Variants in RRBP1 observed in about 807,000 individuals in gnomAD.
RRBP1 encodes the protein ribosome-binding protein 1.
In RRBP1, 94 loss-of-function variants were observed where a neutral mutation model predicts 165.2. The ratio of observed to expected loss-of-function variants is 0.57; its 90% confidence interval spans 0.48 to 0.68. RRBP1 has a LOEUF of 0.68. RRBP1 is among the 30% of genes least tolerant of loss of function. RRBP1 has a pLI of 0.00. For synonymous variants in RRBP1, 680 were observed against 714.5 expected (o/e 0.95, Z 0.77); for missense variants, 1,676 against 1,763.0 (o/e 0.95, Z 0.88).
In RRBP1 at chr20:17,658,576, T is replaced by C. The variant is rs769854350; in HGVS notation, c.1912+20A>G. On this transcript the variant is annotated intron_variant, in intron 3 of 24. Transcript: ENST00000377813. ...AAGACAGCCTTTCCTTCTAAGTTCA[T>C]AAAGAAATCAGTTACTTACCAGGCT... 5.1e-6 allele frequency: 8 copies of C among 1,562,106 alleles called. No homozygotes were observed. The African/African-American group carries it at 8.3e-5, about 16-fold the overall frequency.
At position 17,659,914 on chromosome 20, in the gene RRBP1, C is replaced by T; in HGVS notation, c.594G>A (p.Gln198=). 1.3e-6 allele frequency: 2 copies of T among 1,565,412 alleles called. No individual in the cohort carries two copies. The highest frequency in any genetic ancestry group is 1.7e-6 in the Non-Finnish European group (2 of 1,153,644). ...TCTGAGTCCCCTCCGCCTTTTTGCCCTGAGTAGTGCCAGTGGCTGGTGTGT... is the reference window on the plus strand; with the variant it reads ...TCTGAGTCCCCTCCGCCTTTTTGCCTTGAGTAGTGCCAGTGGCTGGTGTGT... ...KGNTPATGTT[Q]GKKAEGTQNQ... is the part of the protein sequence containing the mutation. The change falls in exon 3 of 25, where the codon CAG becomes CAA. Residue 198 remains glutamine (Q), a synonymous_variant. Transcript: ENST00000377813.
chr20:17,677,717 T>C (rs1251732705), intron 2 of RRBP1, among the ~76,000 whole-genome samples: 1 of 152,136 alleles, frequency 6.6e-6, no homozygotes, highest in African/African-American at 2.4e-5. Context: ...CGCATGCCTG[T>C]AATCCCAGCT....
rs754241222 is a variant in RRBP1, at chr20:17,615,518, C to T, written c.3963G>A (p.Ser1321=). 11 of 1,606,774 alleles carry T rather than the reference C, an allele frequency of 6.8e-6. No individual in the cohort carries two copies. The highest frequency in any genetic ancestry group is 1.1e-5 in the South Asian group (1 of 89,746). ...CCAATTCTTCTTGTAACCGACATGC[C>T]GAGGTCTGAGCCTTGCCGGAGAGGG... The part of the protein sequence containing the change: ...LTAEFEEAQT[S]ACRLQEELEK... The change falls in exon 23 of 25, where the codon TCG becomes TCA. Residue 1321 remains serine (S), a synonymous_variant. Coordinates refer to ENST00000377813, the MANE Select transcript of RRBP1 (RefSeq NM_001365613.2).
intron 3 of RRBP1, among the ~76,000 whole-genome samples, chr20:17,656,715 C>T (rs960942608): frequency 6.6e-6 from 1 of 152,176 alleles, no homozygotes; most frequent in African/African-American, 2.4e-5. Context: ...CTATTTTTCC[C>T]TCAGATGGGA....
At chr20:17,620,576 G>C in intron 17 of RRBP1, 139 bp downstream of exon 17, 1 of 801,398 alleles carries the variant, frequency 1.2e-6, no homozygotes. Flanking sequence ...CTGTCATCCC[G>C]CAACTGTGCT....
In RRBP1 at chr20:17,633,507, G is replaced by A; in HGVS notation, c.2563C>T (p.Leu855=). 2 of 1,614,020 alleles carry A rather than the reference G, an allele frequency of 1.2e-6. No individual in the cohort carries two copies. Among genetic ancestry groups the A allele is most frequent in the Non-Finnish European group, 1.7e-6 (2 of 1,180,028 alleles). Reference sequence around the variant, plus strand: ...TCGAAGGCAGCTGCCTTGGCTTCCAGAGCTTTCCGCTGCTGCTCATCTTGC... The same window carrying A: ...TCGAAGGCAGCTGCCTTGGCTTCCAAAGCTTTCCGCTGCTGCTCATCTTGC... ...VRQDEQQRKA[L]EAKAAAFEKQ... The change falls in exon 8 of 25, where the codon CTG becomes TTG. Residue 855 remains leucine (L), a synonymous_variant. Coordinates refer to ENST00000377813, the MANE Select transcript of RRBP1 (RefSeq NM_001365613.2).
rs2036401186 is a variant in RRBP1 at position 17,643,263 on chromosome 20, G to A, written c.1913-136C>T. ...TGACTGCTTGGGGTCAGCAGGCTGA[G>A]CATGGCGAGTCTGCTCCAGTGTCTC... On this transcript the variant is annotated intron_variant, in intron 3 of 24. Coordinates refer to ENST00000377813, the MANE Select transcript of RRBP1 (RefSeq NM_001365613.2). The surrounding 1 kb of genome is among the most constrained non-coding windows in gnomAD (Gnocchi z 4.3). The A allele has an allele frequency of 2.4e-6, 2 of 848,686 alleles. No homozygotes were observed. The highest frequency in any genetic ancestry group is 1.8e-6 in the Non-Finnish European group (1 of 553,324). The allele number at this position is 848,686 out of a possible 1,614,324, so 52.6% of individuals were successfully genotyped here.
At chr20:17,663,358 T>A (rs185794558) in intron 2 of RRBP1, among the ~76,000 whole-genome samples, 3 of 152,362 alleles carry the variant, frequency 2.0e-5, no homozygotes, top group African/African-American at 7.2e-5. Flanking sequence ...ATATTCTCTG[T>A]TGGGACCCAG....
At chr20:17,614,610 TGG>T in intron 24 of RRBP1, 125 bp downstream of exon 24, 1 of 1,234,986 alleles carries the variant, frequency 8.1e-7, no homozygotes, top group Non-Finnish European at 1.1e-6. Flanking sequence ...CTGCCTCCCC[TGG>T]GGCTCCCAGC....
At chr20:17,628,842 T>C (rs1419296764) in intron 9 of RRBP1, among the ~76,000 whole-genome samples, 1 of 152,224 alleles carries the variant, frequency 6.6e-6, no homozygotes, top group Non-Finnish European at 1.5e-5. Context: ...CCTCCATTTT[T>C]CCAAGTGATA....
At chr20:17,623,350 T>C (rs1477130377) in intron 13 of RRBP1, 1 of 152,294 alleles carries the variant, frequency 6.6e-6, no homozygotes, top group Non-Finnish European at 1.5e-5. Context: ...GGGGCAGATA[T>C]TCCTGTGAGA....
In RRBP1 at chr20:17,625,580, C is replaced by G; in HGVS notation, c.2986G>C (p.Val996Leu). The G allele has an allele frequency of 6.2e-7, 1 of 1,613,970 alleles. No individual in the cohort carries two copies. The highest frequency in any genetic ancestry group is 8.5e-7 in the Non-Finnish European group (1 of 1,179,908). ...QTRLKELESQ[V>L]SGLEKEAIEL... ...ATGGCCTCCTTCTCCAGACCCGACA[C>G]CTGGGACTCCAGCTCCTTGAGGCTG... Residue 996 changes from valine to leucine, a missense_variant, in exon 12 of 25, where the codon GTG (valine) becomes CTG (leucine). Physicochemically the swap from Val to Leu is conservative, Grantham distance 32. Around this residue, in one of 5 missense-constraint regions of RRBP1, gnomAD observed 1,184 missense variants for 1,167.1 expected, o/e 1.01. Coordinates refer to ENST00000377813, the MANE Select transcript of RRBP1 (RefSeq NM_001365613.2).
intron 13 of RRBP1, among the ~76,000 whole-genome samples, chr20:17,623,899 TCCAGCCTG>T (rs1347258185): frequency 2.7e-5 from 4 of 149,610 alleles, no homozygotes; most frequent in African/African-American, 5.0e-5. Flanking sequence ...GCCACTGCAC[TCCAGCCTG>T]GGCGACAGAG....
chr20:17,616,661 G>T (rs1052096608), intron 21 of RRBP1, 71 bp downstream of exon 21: 3 of 1,063,724 alleles, frequency 2.8e-6, no homozygotes, highest in East Asian at 2.5e-5. Context: ...GGTTTAGTCC[G>T]AACGGAGGCA....
chr20:17,616,999 C>T (rs547725178), intron 20 of RRBP1, among the ~76,000 whole-genome samples, 160 bp from the exon 21 acceptor site: 6 of 152,302 alleles, frequency 3.9e-5, no homozygotes, highest in East Asian at 3.9e-4. Flanking sequence ...TGGCCACCCC[C>T]GCCGCCAACC....
intron 5 of RRBP1, among the ~76,000 whole-genome samples, 184 bp from the exon 6 acceptor site, chr20:17,636,913 C>T (rs2036259557): frequency 6.6e-6 from 1 of 152,240 alleles, no homozygotes; most frequent in Non-Finnish European, 1.5e-5. Flanking sequence ...AACAAGGGAT[C>T]CCTGGAAACC....
At chr20:17,675,278 T>C (rs2037056834) in intron 2 of RRBP1, among the ~76,000 whole-genome samples, 1 of 152,260 alleles carries the variant, frequency 6.6e-6, no homozygotes, top group Non-Finnish European at 1.5e-5. Context: ...TTTGTGTTTA[T>C]ATGTGATGCT....
chr20:17,635,197 G>A (rs1199040617), intron 7 of RRBP1, among the ~76,000 whole-genome samples: 1 of 152,142 alleles, frequency 6.6e-6, no homozygotes, highest in Non-Finnish European at 1.5e-5. Flanking sequence ...TGTGGGCTGC[G>A]GTGCTTCAGC....
At chr20:17,640,827 G>A (rs1222603189) in intron 5 of RRBP1, among the ~76,000 whole-genome samples, 2 of 152,122 alleles carry the variant, frequency 1.3e-5, no homozygotes, top group East Asian at 3.9e-4. Flanking sequence ...CTGAATTTGC[G>A]ACAAAAAGTA....
Sources: gnomAD v4.1 joint callset for allele counts (sites outside exome capture counted in the v4.1 genomes callset) on GRCh38, gnomAD v4.1.1 for gene constraint, gnomAD v4.1.1 regional missense constraint, Gnocchi (gnomAD v3.1) non-coding constraint, MANE v1.5 for transcripts, NCBI Gene and HGNC (gene_info 2026-07-23, HGNC 2026-07-21) for gene names.